CCBE1: variants seen among roughly 807,000 people sequenced by gnomAD.
The protein encoded by CCBE1 is collagen and calcium binding EGF domains 1.
Under a neutral mutation model 50.0 loss-of-function variants are expected in CCBE1, and 37 were observed. The observed-to-expected ratio is 0.74, with a 90% CI of 0.57 to 0.97. The LOEUF (loss-of-function observed/expected upper bound fraction) is 0.97. CCBE1 is among the 50% of genes least tolerant of loss of function. CCBE1 has a pLI of 0.00. For synonymous variants in CCBE1, 234 were observed against 203.7 expected (o/e 1.15, Z -1.27); for missense variants, 538 against 523.8 (o/e 1.03, Z -0.26).
At chr18:59,558,426 T>C (rs550258578) in intron 2 of CCBE1, among the ~76,000 whole-genome samples, 1 of 152,356 alleles carries the variant, frequency 6.6e-6, no homozygotes, top group East Asian at 1.9e-4. Flanking sequence ...GGTACATGGA[T>C]GTACTTTGGT....
chr18:59,659,293 A>G (rs1257328446), intron 2 of CCBE1, among the ~76,000 whole-genome samples: 1 of 128,730 alleles, frequency 7.8e-6, no homozygotes, highest in East Asian at 2.0e-4. Context: ...AAGAATTTAC[A>G]TGTTTTTTTT....
chr18:59,580,659 A>G lies in CCBE1; in HGVS notation c.213-100421T>C, dbSNP rs150117695. On this transcript the variant is annotated intron_variant, in intron 2 of 10. Transcript: ENST00000439986. ...CCAAAATGTAAAGCGACTTGCCCAA[A>G]GTAGGAGCTGGTGTCTGGACGAGGG... Among the ~76,000 whole-genome samples the G allele has an allele frequency of 2.0e-3, 300 of 152,342 alleles. 4 individuals are homozygous for G. In the East Asian group the frequency reaches 0.03, roughly 15 times the overall value.
intron 3 of CCBE1, among the ~76,000 whole-genome samples, chr18:59,476,304 C>G (rs1476196898): frequency 6.6e-6 from 1 of 152,198 alleles, no homozygotes; most frequent in Non-Finnish European, 1.5e-5. Context: ...GTTCTTATGA[C>G]TGCTCAGCTA....
intron 2 of CCBE1, among the ~76,000 whole-genome samples, chr18:59,656,563 G>C (rs1164870891): frequency 6.6e-6 from 1 of 152,220 alleles, no homozygotes; most frequent in Non-Finnish European, 1.5e-5. Flanking sequence ...ACGCCACTCT[G>C]AGAACATGAA....
chr18:59,431,565 G>A lies in CCBE1; in HGVS notation c.*4343C>T, dbSNP rs1050277276. On this transcript the variant is annotated 3_prime_UTR_variant, in exon 11 of 11. Coordinates refer to ENST00000439986, the MANE Select transcript of CCBE1 (RefSeq NM_133459.4). ...GGGAGTTGCTACCTGAAAACCTACA[G>A]AAATGTCTGGCCTGGAGAAGCCCTC... 6.6e-6 allele frequency: 1 copy of A among 152,204 alleles called. No homozygotes were observed. Among genetic ancestry groups the A allele is most frequent in the African/African-American group, 2.4e-5 (1 of 41,456 alleles). The allele number at this position is 152,204 out of a possible 1,614,324, so 9.4% of individuals were successfully genotyped here. A position where few individuals can be genotyped will look rare whatever the true frequency, so the allele number is the denominator to read the frequency against.
At chr18:59,516,174 G>A (rs1442163201) in intron 2 of CCBE1, among the ~76,000 whole-genome samples, 2 of 151,702 alleles carry the variant, frequency 1.3e-5, no homozygotes, top group South Asian at 4.2e-4. Flanking sequence ...GGCCAGTCTG[G>A]TCTCAAACTC....
intron 2 of CCBE1, among the ~76,000 whole-genome samples, chr18:59,491,846 G>T (rs553447589): frequency 1.0e-4 from 3 of 28,582 alleles, no homozygotes; most frequent in Non-Finnish European, 7.2e-5. Context: ...AAAAAAAAAC[G>T]TTTCATGGTC....
chr18:59,581,919 G>GC (rs1005439451), intron 2 of CCBE1, among the ~76,000 whole-genome samples: 32 of 152,302 alleles, frequency 2.1e-4, no homozygotes, highest in African/African-American at 7.5e-4. Context: ...TCCATTTAGT[G>GC]TTTTGGGTTC....
At chr18:59,486,406 G>T (rs1472721317) in intron 2 of CCBE1, among the ~76,000 whole-genome samples, 1 of 152,038 alleles carries the variant, frequency 6.6e-6, no homozygotes, top group Non-Finnish European at 1.5e-5. Context: ...ACAAGTAGGG[G>T]GAGAAATTTT....
chr18:59,508,879 C>T (rs761274507), intron 2 of CCBE1, among the ~76,000 whole-genome samples: 4 of 151,898 alleles, frequency 2.6e-5, no homozygotes, highest in Admixed American at 6.5e-5. Flanking sequence ...ACCACATACA[C>T]GGCTCTTAAT....
At chr18:59,543,496 T>C (rs1490357720) in intron 2 of CCBE1, among the ~76,000 whole-genome samples, 1 of 152,176 alleles carries the variant, frequency 6.6e-6, no homozygotes, top group African/African-American at 2.4e-5. Context: ...GCTGGTTAAG[T>C]TGAAGACAAG....
chr18:59,687,697 C>T (rs538186386), intron 2 of CCBE1, among the ~76,000 whole-genome samples: 1 of 152,354 alleles, frequency 6.6e-6, no homozygotes, highest in East Asian at 1.9e-4. Context: ...GTTCAAGTGG[C>T]TCACACCTGT....
At chr18:59,602,010 C>T (rs527683864) in intron 2 of CCBE1, among the ~76,000 whole-genome samples, 3 of 151,906 alleles carry the variant, frequency 2.0e-5, no homozygotes, top group South Asian at 2.1e-4. Context: ...TAAAAATAGA[C>T]ATAGTACAGC....
chr18:59,583,680 TGCGCGCGCGC>T lies in CCBE1; in HGVS notation c.213-103452_213-103443del, dbSNP rs35460738. ...GTGTGTGTGTGTGTGTGTGTGTGTG[TGCGCGCGCGC>T]GCGCGCGCGCGTGTGTGTGTATGTC... On this transcript the variant is annotated intron_variant, in intron 2 of 10. Coordinates refer to ENST00000439986, the MANE Select transcript of CCBE1 (RefSeq NM_133459.4). 2.6e-3 allele frequency among the ~76,000 whole-genome samples: 155 copies of T among 59,404 alleles called. 2 individuals carry two copies. In the Middle Eastern group the frequency reaches 0.034, roughly 13 times the overall value. 39.0% of individuals were successfully genotyped at this position (59,404 alleles called of 152,430 possible).
chr18:59,659,561 C>G (rs1021270093), intron 2 of CCBE1, among the ~76,000 whole-genome samples: 1 of 152,158 alleles, frequency 6.6e-6, no homozygotes, highest in Non-Finnish European at 1.5e-5. Flanking sequence ...AGAACAACAT[C>G]ACGAAACAAA....
chr18:59,514,259 C>T (rs914253940), intron 2 of CCBE1, among the ~76,000 whole-genome samples: 3 of 152,136 alleles, frequency 2.0e-5, no homozygotes, highest in South Asian at 2.1e-4. Flanking sequence ...AATCTTTTAC[C>T]GTATCCAATA....
At chr18:59,529,670 G>A (rs1914972352) in intron 2 of CCBE1, among the ~76,000 whole-genome samples, 2 of 152,050 alleles carry the variant, frequency 1.3e-5, no homozygotes, top group African/African-American at 4.8e-5. Flanking sequence ...CTCTTCATGG[G>A]TCACACCAAC....
At chr18:59,471,840 A>G (rs1169386015) in intron 3 of CCBE1, among the ~76,000 whole-genome samples, 3 of 152,204 alleles carry the variant, frequency 2.0e-5, no homozygotes, top group Non-Finnish European at 2.9e-5. Context: ...TGAAAGCCTA[A>G]TATCAGCCTT....
rs147973010 is a variant in CCBE1 at position 59,573,036 on chromosome 18, C to T, written c.213-92798G>A. Among the ~76,000 whole-genome samples the T allele has an allele frequency of 6.5e-3, 986 of 151,948 alleles. 4 individuals carry two copies. The highest frequency in any genetic ancestry group is 0.023 in the African/African-American group (957 of 41,422). On this transcript the variant is annotated intron_variant, in intron 2 of 10. Coordinates refer to ENST00000439986, the MANE Select transcript of CCBE1 (RefSeq NM_133459.4). ...CAGTGGCTCACACCTGTAATCCCTGCACTTTGGGATATCAAGGAGGGTGGA... is the reference window on the plus strand; with the variant it reads ...CAGTGGCTCACACCTGTAATCCCTGTACTTTGGGATATCAAGGAGGGTGGA...
Sources: allele counts gnomAD v4.1 joint callset (sites outside exome capture counted in the v4.1 genomes callset), GRCh38; gene constraint gnomAD v4.1.1; transcripts MANE v1.5; gene names NCBI Gene and HGNC (gene_info 2026-07-23, HGNC 2026-07-21).